FAM136A: variants seen among roughly 807,000 people sequenced by gnomAD.
The protein encoded by FAM136A is TIM double twin CX3C motif protein.
Under a neutral mutation model 21.6 loss-of-function variants are expected in FAM136A, and 25 were observed. That is an observed-to-expected ratio of 1.16 (90% CI 0.84 to 1.62). The LOEUF (loss-of-function observed/expected upper bound fraction) is 1.62, where lower values mean the gene tolerates loss of function less well. Among genes scored for constraint, FAM136A ranks in the 40% most tolerant of loss-of-function variants. The pLI is 0.00. For synonymous variants in FAM136A, 119 were observed against 129.4 expected (o/e 0.92, Z 0.55); for missense variants, 338 against 332.0 (o/e 1.02, Z -0.14).
chr2:70,300,226 T>C (rs1697359348), intron 2 of FAM136A, among the ~76,000 whole-genome samples: 1 of 152,174 alleles, frequency 6.6e-6, no homozygotes, highest in African/African-American at 2.4e-5. Flanking sequence ...ACAGTATACA[T>C]TCTGTATTTG....
Position 70,300,952 on chromosome 2 carries a change from C to T in FAM136A, c.437G>A (p.Cys146Tyr). Residue 146 changes from cysteine to tyrosine, a missense_variant, in exon 2 of 3, where the codon TGT becomes TAT. Physicochemically the swap from Cys to Tyr is radical, Grantham distance 194. Transcript: ENST00000430566. ...CATGGAGGCCTGGCTGTCCTCACAA[C>T]AGCTGGCGCTGCACCGGAACATGAG... ...QGLMFRCSAS[C>Y]CEDSQASMKQ... is the part of the protein sequence containing the mutation. 1 of 1,612,888 alleles carries T rather than the reference C, an allele frequency of 6.2e-7. No individual in the cohort carries two copies. The highest frequency in any genetic ancestry group is 8.5e-7 in the Non-Finnish European group (1 of 1,178,944).
intron 2 of FAM136A, among the ~76,000 whole-genome samples, chr2:70,298,526 T>G (rs1697314048): frequency 6.6e-6 from 1 of 152,234 alleles, no homozygotes; most frequent in South Asian, 2.1e-4. Flanking sequence ...TTACAGAACT[T>G]ACATTCCAGT....
chr2:70,299,205 G>A (rs1013039552), intron 2 of FAM136A, among the ~76,000 whole-genome samples: 3 of 152,204 alleles, frequency 2.0e-5, no homozygotes, highest in African/African-American at 7.2e-5. Flanking sequence ...CCATGTGGAT[G>A]GAACCTCAGG....
At position 70,297,480 on chromosome 2, in the gene FAM136A, G is replaced by A. The variant is rs1559051599; in HGVS notation, c.550-3C>T. The A allele has an allele frequency of 1.3e-6, 2 of 1,573,344 alleles. No individual in the cohort carries two copies. Among genetic ancestry groups the A allele is most frequent in the African/African-American group, 1.4e-5 (1 of 72,982 alleles). ...ATGGTGCACCGGGCCAGGCGGTCCT[G>A]TGGCAAGAAGGAAGAACGTAGAAAA... On this transcript the variant is annotated splice_polypyrimidine_tract_variant and splice_region_variant and intron_variant, in intron 2 of 2. Coordinates refer to ENST00000430566, the MANE Select transcript of FAM136A (RefSeq NM_001329752.2).
chr2:70,300,333 ATTTC>A (rs1379411912), intron 2 of FAM136A, among the ~76,000 whole-genome samples: 2 of 151,336 alleles, frequency 1.3e-5, no homozygotes, highest in African/African-American at 4.9e-5. Context: ...CCATTACATC[ATTTC>A]TTTTTTTTTG....
chr2:70,301,554 T>C (rs1175320582), intron 1 of FAM136A, 50 bp downstream of exon 1: 12 of 1,535,862 alleles, frequency 7.8e-6, no homozygotes, highest in African/African-American at 1.4e-5. Flanking sequence ...GTCCTCGCCT[T>C]TCTGGTCTTT....
chr2:70,297,815 T>A (rs1295321546), intron 2 of FAM136A, among the ~76,000 whole-genome samples: 1 of 151,792 alleles, frequency 6.6e-6, no homozygotes, highest in Non-Finnish European at 1.5e-5. Context: ...TCTTAAAAAT[T>A]ATTTTTGTAG....
In FAM136A at chr2:70,301,669, C is replaced by T. The variant is rs758386823; in HGVS notation, c.343G>A (p.Val115Met). ...AGCGCCTGCCACCAGGGGCTTCCCA[C>T]CTGCCGCCGAGGACGCTCCTGCCCC... ...SPGQERPRRQ[V>M]GSPWWQALAP... The change falls in exon 1 of 3, where the codon GTG becomes ATG. Residue 115 changes from valine (V) to methionine (M), a missense_variant. Physicochemically the swap from Val to Met is conservative, Grantham distance 21. Coordinates refer to ENST00000430566, the MANE Select transcript of FAM136A (RefSeq NM_001329752.2). The T allele has an allele frequency of 7.8e-5, 120 of 1,534,962 alleles. No homozygotes were observed. The highest frequency in any genetic ancestry group is 9.9e-5 in the Non-Finnish European group (113 of 1,146,218).
In FAM136A at chr2:70,297,333, T is replaced by C. The variant is rs747156050; in HGVS notation, c.694A>G (p.Met232Val). 24 of 1,613,948 alleles carry C rather than the reference T, an allele frequency of 1.5e-5. No homozygotes were observed. Among genetic ancestry groups the C allele is most frequent in the South Asian group, 1.2e-4 (11 of 91,086 alleles). ...AGAGCCTCCTTCATCTTCTTGGTCA[T>C]AGTTGGGATGAGGTGCATGTGGTCA... ...VDDHMHLIPT[M>V]TKKMKEALLS... is the part of the protein sequence containing the mutation. Residue 232 changes from methionine to valine, a missense_variant, in exon 3 of 3, where the codon ATG becomes GTG. By Grantham distance (21) the Met-to-Val change is conservative (BLOSUM62 1). Transcript: ENST00000430566.
At chr2:70,301,416 A>T in intron 1 of FAM136A, 188 bp downstream of exon 1, 1 of 1,533,052 alleles carries the variant, frequency 6.5e-7, no homozygotes, top group Non-Finnish European at 8.7e-7. Context: ...ACTCCGTGAG[A>T]GAAGCAGGAC....
At chr2:70,299,929 C>T (rs1016564546) in intron 2 of FAM136A, among the ~76,000 whole-genome samples, 9 of 148,368 alleles carry the variant, frequency 6.1e-5, no homozygotes, top group South Asian at 2.1e-4. Context: ...GACGGAGTTT[C>T]GCTCTTGTTG....
chr2:70,301,337 T>G, intron 1 of FAM136A: 4 of 1,461,104 alleles, frequency 2.7e-6, no homozygotes, highest in Non-Finnish European at 2.7e-6. Flanking sequence ...AACCTAGCAA[T>G]ACAAATTCCA....
chr2:70,300,314 G>A (rs1697361945), intron 2 of FAM136A, among the ~76,000 whole-genome samples: 1 of 151,930 alleles, frequency 6.6e-6, no homozygotes, highest in South Asian at 2.1e-4. Context: ...GAACTCCCCT[G>A]GTAACTCCCC....
Position 70,302,047 on chromosome 2 carries a change from G to GCGCCCATATGGAATCGGTGTACGGGCC in FAM136A, c.-37_-36insGGCCCGTACACCGATTCCATATGGGCG. 1 of 1,544,794 alleles carries GCGCCCATATGGAATCGGTGTACGGGCC rather than the reference G, an allele frequency of 6.5e-7. No individual in the cohort carries two copies. The highest frequency in any genetic ancestry group is 1.4e-5 in the African/African-American group (1 of 71,008). Reference sequence around the variant, plus strand: ...CGCTGCCCCGCGGCGCTCCGCGCCGGCGCCCATATGGAATCGGCGTACGGG... The same window carrying GCGCCCATATGGAATCGGTGTACGGGCC: ...CGCTGCCCCGCGGCGCTCCGCGCCGGCGCCCATATGGAATCGGTGTACGGGCCCGCCCATATGGAATCGGCGTACGGG... On this transcript the variant is annotated 5_prime_UTR_variant, in exon 1 of 3. In the 5' UTR this introduces an upstream ATG that the reference lacks. Coordinates refer to ENST00000430566, the MANE Select transcript of FAM136A (RefSeq NM_001329752.2).
rs1697244936 is a variant in FAM136A at position 70,296,290 on chromosome 2, T to C, written c.*999A>G. On this transcript the variant is annotated 3_prime_UTR_variant, in exon 3 of 3. Coordinates refer to ENST00000430566, the MANE Select transcript of FAM136A (RefSeq NM_001329752.2). ...CCTGTTGCCAGGGGTTTGTCTCAATTGGGCTCTGTTAATTCAGGGGGCTAA... is the reference window on the plus strand; with the variant it reads ...CCTGTTGCCAGGGGTTTGTCTCAATCGGGCTCTGTTAATTCAGGGGGCTAA... 6.0e-6 allele frequency: 1 copy of C among 165,744 alleles called. No individual in the cohort carries two copies. Among genetic ancestry groups the C allele is most frequent in the Admixed American group, 5.9e-5 (1 of 16,848 alleles). 10.3% of individuals were successfully genotyped at this position (165,744 alleles called of 1,614,324 possible). A position where few individuals can be genotyped will look rare whatever the true frequency, so the allele number is the denominator to read the frequency against.
intron 1 of FAM136A, chr2:70,301,295 A>G: frequency 2.3e-6 from 3 of 1,324,480 alleles, no homozygotes; most frequent in Non-Finnish European, 3.0e-6. Flanking sequence ...TCTGAAAACC[A>G]GGAGCCTCTT....
At chr2:70,298,054 A>G (rs1253532329) in intron 2 of FAM136A, among the ~76,000 whole-genome samples, 3 of 151,860 alleles carry the variant, frequency 2.0e-5, no homozygotes, top group Admixed American at 2.0e-4. Flanking sequence ...AGGAAATGAG[A>G]GGTCCCTAGA....
intron 2 of FAM136A, among the ~76,000 whole-genome samples, chr2:70,298,322 C>G (rs1055674608): frequency 6.6e-6 from 1 of 152,052 alleles, no homozygotes; most frequent in Non-Finnish European, 1.5e-5. Context: ...TCTCAAACTC[C>G]CAACCTCAGG....
rs1473587619 is a variant in FAM136A, at chr2:70,299,387, GTAA to G, written c.549+1450_549+1452del. Among the ~76,000 whole-genome samples, 12 of 152,274 alleles carry G rather than the reference GTAA, an allele frequency of 7.9e-5. No homozygotes were observed. In the East Asian group the frequency reaches 2.3e-3, roughly 29 times the overall value. On this transcript the variant is annotated intron_variant, in intron 2 of 2. Transcript: ENST00000430566. ...TGAGCCAGGAATCAGTGAGTCAACA[GTAA>G]TAATGATTCACATAAATGACTGCTC...
Sources: gnomAD v4.1 joint callset for allele counts (sites outside exome capture counted in the v4.1 genomes callset) on GRCh38, gnomAD v4.1.1 for gene constraint, MANE v1.5 for transcripts, NCBI Gene and HGNC (gene_info 2026-07-23, HGNC 2026-07-21) for gene names.